Variants in STARD9 observed in about 807,000 individuals in gnomAD.
The protein encoded by STARD9 is StAR related lipid transfer domain containing 9.
Under a neutral mutation model 399.8 loss-of-function variants are expected in STARD9, and 346 were observed. The observed-to-expected ratio is 0.87, with a 90% CI of 0.79 to 0.95. The LOEUF is 0.95. Ranked by LOEUF, STARD9 falls within the 40% of genes least tolerant of loss-of-function variation. STARD9 has a pLI of 0.00. For synonymous variants in STARD9, 2,203 were observed against 2,143.5 expected, an observed-to-expected ratio of 1.03 and a Z score of -0.77; for missense variants, 5,832 against 5,667.5, an observed-to-expected ratio of 1.03 and a Z score of -0.93.
rs1462038632 is a variant in STARD9 at position 42,689,213 on chromosome 15, A to T, written c.7635A>T (p.Ala2545=). ...EPRLLEPSDH[A]SMCLAILEEI... ...GGCTGTTGGAGCCCTCTGACCATGC[A>T]TCCATGTGCCTGGCCATCTTGGAGG... Residue 2545 remains alanine, a synonymous_variant, in exon 23 of 33, where the codon GCA becomes GCT. Coordinates refer to ENST00000290607, the MANE Select transcript of STARD9 (RefSeq NM_020759.3). The T allele has an allele frequency of 2.0e-6, 3 of 1,537,168 alleles. No homozygotes were observed. Among genetic ancestry groups the T allele is most frequent in the Non-Finnish European group, 2.6e-6 (3 of 1,146,930 alleles).
intron 26 of STARD9, among the ~76,000 whole-genome samples, chr15:42,697,276 T>A (rs1420781181): frequency 1.3e-5 from 2 of 152,142 alleles, no homozygotes; most frequent in Admixed American, 6.5e-5. Context: ...TTTTAATTAG[T>A]TATTTTAAGA....
chr15:42,696,025 C>T, intron 26 of STARD9, 145 bp downstream of exon 26: 1 of 811,278 alleles, frequency 1.2e-6, no homozygotes, highest in African/African-American at 1.7e-5. Context: ...TATGTGCAGG[C>T]CTTTGGTTTT....
chr15:42,575,984 G>T lies in STARD9; in HGVS notation c.47+222G>T, dbSNP rs1279713441. Among the ~76,000 whole-genome samples the T allele has an allele frequency of 2.6e-5, 4 of 152,238 alleles. No individual in the cohort carries two copies. In the South Asian group the frequency reaches 8.3e-4, roughly 31 times the overall value. ...GTTCCCGGACGGCCGCGGGAGGGCT[G>T]CCCTGGGTGAGCGTCGCTGGCGTCC... On this transcript the variant is annotated intron_variant, in intron 1 of 32. Transcript: ENST00000290607.
intron 20 of STARD9, among the ~76,000 whole-genome samples, chr15:42,679,604 G>A (rs2060384678): frequency 6.6e-6 from 1 of 152,138 alleles, no homozygotes; most frequent in South Asian, 2.1e-4. Flanking sequence ...TCCAAAGGCT[G>A]CGTTATGAAA....
chr15:42,600,398 A>C (rs2058597088), intron 3 of STARD9, among the ~76,000 whole-genome samples: 1 of 152,220 alleles, frequency 6.6e-6, no homozygotes, highest in Non-Finnish European at 1.5e-5. Flanking sequence ...TTACAGAAAA[A>C]GCATTCTTCA....
At chr15:42,576,767 A>G (rs2058065308) in intron 1 of STARD9, among the ~76,000 whole-genome samples, 1 of 152,224 alleles carries the variant, frequency 6.6e-6, no homozygotes, top group South Asian at 2.1e-4. Flanking sequence ...ACTAGTGTGG[A>G]TTATGTTCGT....
chr15:42,686,379 C>G lies in STARD9; in HGVS notation c.4801C>G (p.Arg1601Gly), dbSNP rs1203890651. 2 of 1,537,304 alleles carry G rather than the reference C, an allele frequency of 1.3e-6. No individual in the cohort carries two copies. The highest frequency in any genetic ancestry group is 1.7e-6 in the Non-Finnish European group (2 of 1,146,990). ...AGACTTAGAATCATTGTCTGCTTCT[C>G]GATCTACAAATGCACAGGTCTTTGC... is the stretch of plus-strand genomic sequence containing the variant. ...SADLESLSAS[R>G]STNAQVFATE... Residue 1601 changes from arginine (R) to glycine (G), a missense_variant, in exon 23 of 33, where the codon CGA (arginine) becomes GGA (glycine). Transcript: ENST00000290607.
At position 42,638,768 on chromosome 15, in the gene STARD9, C is replaced by A; in HGVS notation, c.515C>A (p.Thr172Asn). 6.5e-7 allele frequency: 1 copy of A among 1,536,540 alleles called. No homozygotes were observed. The highest frequency in any genetic ancestry group is 8.7e-7 in the Non-Finnish European group (1 of 1,146,446). ...LKQSGQKKSY[T>N]LRVREHPEMG... ...CAATCTGGTCAAAAAAAGTCCTATA[C>A]CCTGCGGGTCAGGGAGCATCCAGAG... The change falls in exon 7 of 33, where the codon ACC becomes AAC. Residue 172 changes from threonine to asparagine, a missense_variant. Coordinates refer to ENST00000290607, the MANE Select transcript of STARD9 (RefSeq NM_020759.3).
chr15:42,610,861 C>A (rs1006347714), intron 3 of STARD9, among the ~76,000 whole-genome samples: 5 of 152,182 alleles, frequency 3.3e-5, no homozygotes, highest in African/African-American at 1.2e-4. Flanking sequence ...CTGATTCTTT[C>A]TTAACTGATA....
At position 42,625,647 on chromosome 15, in the gene STARD9, A is replaced by ATT. The variant is rs11399920; in HGVS notation, c.235-9195_235-9194dup. ...GCCTGGCTGCTATTTTCTTCTTCCTATTTTTTTTTTTTTTTAGGTAGATTA... is the reference window on the plus strand; with the variant it reads ...GCCTGGCTGCTATTTTCTTCTTCCTATTTTTTTTTTTTTTTTTAGGTAGATTA... On this transcript the variant is annotated intron_variant, in intron 3 of 32. Coordinates refer to ENST00000290607, the MANE Select transcript of STARD9 (RefSeq NM_020759.3). 4.5e-3 allele frequency among the ~76,000 whole-genome samples: 622 copies of ATT among 138,566 alleles called. 11 individuals are homozygous for ATT. The highest frequency in any genetic ancestry group is 0.013 in the African/African-American group (496 of 38,374). The allele number at this position is 138,566 out of a possible 152,430, so 90.9% of individuals were successfully genotyped here.
chr15:42,682,298 C>T lies in STARD9; in HGVS notation c.2260C>T (p.His754Tyr). The change falls in exon 22 of 33, where the codon CAC becomes TAC. Residue 754 changes from histidine (H) to tyrosine (Y), a missense_variant. Physicochemically the swap from His to Tyr is moderately conservative, Grantham distance 83. Transcript: ENST00000290607. ...RVVHLQLLRR[H>Y]TLRAAERNVR... ...GGTGCACCTGCAGCTCCTGCGGAGA[C>T]ACACTCTTCGGGCAGCAGAGCGGAA... 6.5e-7 allele frequency: 1 copy of T among 1,537,292 alleles called. No homozygotes were observed. Among genetic ancestry groups the T allele is most frequent in the Non-Finnish European group, 8.7e-7 (1 of 1,146,912 alleles).
At chr15:42,577,896 A>G (rs534863953) in intron 1 of STARD9, among the ~76,000 whole-genome samples, 9 of 152,288 alleles carry the variant, frequency 5.9e-5, no homozygotes, top group Admixed American at 2.0e-4. Context: ...ATTGGATCTG[A>G]TGTTGTGCTT....
At chr15:42,675,517 A>C in intron 18 of STARD9, 147 bp from the exon 19 acceptor site, 1 of 624,310 alleles carries the variant, frequency 1.6e-6, no homozygotes, top group African/African-American at 1.8e-5. Context: ...ATGCTGTGAG[A>C]TGCAGAATTA....
At chr15:42,637,828 A>G in intron 4 of STARD9, 79 bp from the exon 5 acceptor site, 3 of 1,422,006 alleles carry the variant, frequency 2.1e-6, no homozygotes, top group Non-Finnish European at 2.9e-6. Context: ...CCCCATGCTG[A>G]GGATGGTTCC....
Position 42,692,184 on chromosome 15 carries a change from T to C in STARD9, c.10606T>C (p.Cys3536Arg). ...HSHLSTYANI[C>R]DLSTTHSSTE... Reference sequence around the variant, plus strand: ...CCACCTCAGCACTTACGCCAATATTTGTGATCTGTCAACCACACACAGCAG... The same window carrying C: ...CCACCTCAGCACTTACGCCAATATTCGTGATCTGTCAACCACACACAGCAG... The change falls in exon 23 of 33, where the codon TGT (cysteine) becomes CGT (arginine). Residue 3536 changes from cysteine to arginine, a missense_variant. Cys to Arg is a radical substitution (Grantham distance 180). Around this residue, in one of 2 missense-constraint regions of STARD9, gnomAD observed 5,828 missense variants for 5,651.1 expected, o/e 1.03. Transcript: ENST00000290607. The C allele has an allele frequency of 6.5e-7, 1 of 1,537,094 alleles. No individual in the cohort carries two copies. The highest frequency in any genetic ancestry group is 1.4e-5 in the African/African-American group (1 of 73,128).
At chr15:42,600,476 T>G (rs9652417) in intron 3 of STARD9, among the ~76,000 whole-genome samples, 5,570 of 152,072 alleles carry the variant, frequency 0.037, 366 homozygotes, top group African/African-American at 0.13. Context: ...TGGGGGGTGC[T>G]TGTGCATGTG....
chr15:42,592,738 C>T (rs1270074820), intron 3 of STARD9, among the ~76,000 whole-genome samples: 1 of 152,174 alleles, frequency 6.6e-6, no homozygotes, highest in Non-Finnish European at 1.5e-5. Flanking sequence ...GCCACCACAC[C>T]CAGCCAGCTT....
chr15:42,682,141 C>A lies in STARD9; in HGVS notation c.2103C>A (p.Ala701=). Residue 701 remains alanine (A), a synonymous_variant, in exon 22 of 33, where the codon GCC becomes GCA. Coordinates refer to ENST00000290607, the MANE Select transcript of STARD9 (RefSeq NM_020759.3). ...QCLLREETWL[A]SLQQQQQEDQ... ...TGCTCAGAGAAGAGACCTGGCTGGCCAGCTTGCAACAGCAGCAGCAAGAAG... is the reference window on the plus strand; with the variant it reads ...TGCTCAGAGAAGAGACCTGGCTGGCAAGCTTGCAACAGCAGCAGCAAGAAG... 6.5e-7 allele frequency: 1 copy of A among 1,537,196 alleles called. No individual in the cohort carries two copies. The highest frequency in any genetic ancestry group is 2.0e-5 in the Admixed American group (1 of 50,996).
In STARD9 at chr15:42,705,736, C is replaced by A. The variant is rs554277476; in HGVS notation, c.13284+9856C>A. Among the ~76,000 whole-genome samples, 3 of 151,920 alleles carry A rather than the reference C, an allele frequency of 2.0e-5. No homozygotes were observed. The South Asian group carries it at 6.3e-4, about 32-fold the overall frequency. On this transcript the variant is annotated intron_variant, in intron 26 of 32. Coordinates refer to ENST00000290607, the MANE Select transcript of STARD9 (RefSeq NM_020759.3). ...GATTACAGGCATGAGCTACTGCACC[C>A]AGCCTGTTGTTTGTTTGTTTATTTT... is the stretch of plus-strand genomic sequence containing the variant.
Sources: gnomAD v4.1 joint callset for allele counts (sites outside exome capture counted in the v4.1 genomes callset) on GRCh38, gnomAD v4.1.1 for gene constraint, gnomAD v4.1.1 regional missense constraint, MANE v1.5 for transcripts, NCBI Gene and HGNC (gene_info 2026-07-23, HGNC 2026-07-21) for gene names.